Variants in SLC39A12 observed in about 807,000 individuals in gnomAD.
The protein encoded by SLC39A12 is solute carrier family 39 member 12, also known as zinc transporter ZIP12.
Under a neutral mutation model 71.1 loss-of-function variants are expected in SLC39A12, and 63 were observed. That is an observed-to-expected ratio of 0.89 (90% CI 0.72 to 1.09). The LOEUF (loss-of-function observed/expected upper bound fraction) is 1.09, where lower values mean the gene tolerates loss of function less well. Ranked by LOEUF, SLC39A12 falls within the 50% of genes least tolerant of loss-of-function variation. SLC39A12 has a pLI of 0.00. For missense variants in SLC39A12, 892 were observed against 812.6 expected, an observed-to-expected ratio of 1.10 and a Z score of -1.19; for synonymous variants, 351 against 301.3, an observed-to-expected ratio of 1.16 and a Z score of -1.71.
At chr10:17,967,125 T>C (rs1226269621) in intron 4 of SLC39A12, among the ~76,000 whole-genome samples, 1 of 152,118 alleles carries the variant, frequency 6.6e-6, no homozygotes, top group African/African-American at 2.4e-5. Flanking sequence ...CTTTTCTATT[T>C]TGTTGCAAGT....
rs1353425844 is a variant in SLC39A12, at chr10:17,995,659, AG to A, written c.1538del (p.Ser513ThrfsTer12). The A allele has an allele frequency of 6.2e-7, 1 of 1,610,886 alleles. No homozygotes were observed. Among genetic ancestry groups the A allele is most frequent in the African/African-American group, 1.3e-5 (1 of 74,664 alleles). On this transcript the variant is annotated frameshift_variant, in exon 10 of 13. Coordinates refer to ENST00000377369, the MANE Select transcript of SLC39A12 (RefSeq NM_001145195.2). LOFTEE classifies it high-confidence loss of function. The part of the protein sequence containing the change: ...GKSASTIQLK[S>X]PEDSQAAEMP... ...GTTATTTTTTAATTTAAAATAGAAA[AG>A]CCCAGAAGATTCACAGGCAGCTGAA... is the stretch of plus-strand genomic sequence containing the variant.
At chr10:18,001,252 C>T (rs1236254258) in intron 11 of SLC39A12, among the ~76,000 whole-genome samples, 1 of 152,228 alleles carries the variant, frequency 6.6e-6, no homozygotes, top group East Asian at 1.9e-4. Flanking sequence ...CAGTGGCTCA[C>T]ACCTGTAATC....
At chr10:18,037,496 C>T (rs1837086368) in intron 12 of SLC39A12, among the ~76,000 whole-genome samples, 1 of 152,136 alleles carries the variant, frequency 6.6e-6, no homozygotes, top group African/African-American at 2.4e-5. Context: ...TCTGACATCA[C>T]AACAATGTGA....
chr10:18,036,034 A>T (rs1836999803), intron 12 of SLC39A12, among the ~76,000 whole-genome samples: 1 of 152,128 alleles, frequency 6.6e-6, no homozygotes, highest in Admixed American at 6.5e-5. Flanking sequence ...TGCTGGGAGA[A>T]CCACTGCTCT....
chr10:18,016,809 C>A (rs1836397981), intron 12 of SLC39A12, among the ~76,000 whole-genome samples: 1 of 152,200 alleles, frequency 6.6e-6, no homozygotes, highest in African/African-American at 2.4e-5. Flanking sequence ...TGCTAAGCAT[C>A]TTTTATATGA....
intron 2 of SLC39A12, among the ~76,000 whole-genome samples, chr10:17,953,811 C>T (rs4641364): frequency 0.27 from 41,136 of 151,860 alleles, 5,761 homozygotes; most frequent in South Asian, 0.34. Context: ...TTTGTGAGCG[C>T]GAACTTTTAG....
chr10:17,995,811 TATC>T (rs1296522459), intron 10 of SLC39A12, 89 bp downstream of exon 10: 5 of 1,146,948 alleles, frequency 4.4e-6, no homozygotes, highest in Middle Eastern at 2.0e-4. Flanking sequence ...ACTATATAGA[TATC>T]ATATTGGGTA....
chr10:18,042,758 G>C lies in SLC39A12; in HGVS notation c.2001G>C (p.Leu667=), dbSNP rs1837294530. The change falls in exon 13 of 13, where the codon CTG becomes CTC. Residue 667 remains leucine, a synonymous_variant. Transcript: ENST00000377369. ...AACGACCCTGGATGATGTTTCTCCT[G>C]CAAAACTTTGGATTGATCCTAGGTT... ...QTQRPWMMFL[L]QNFGLILGWL... is the part of the protein sequence containing the mutation. 8 of 1,613,118 alleles carry C rather than the reference G, an allele frequency of 5.0e-6. No individual in the cohort carries two copies. The highest frequency in any genetic ancestry group is 6.8e-6 in the Non-Finnish European group (8 of 1,179,642).
intron 12 of SLC39A12, among the ~76,000 whole-genome samples, chr10:18,035,046 G>A (rs1320586659): frequency 6.9e-6 from 1 of 144,928 alleles, no homozygotes; most frequent in African/African-American, 2.6e-5. Flanking sequence ...TCCCTTTGAG[G>A]GTAACCCGAC....
At chr10:17,956,760 G>T (rs1486126085) in intron 2 of SLC39A12, among the ~76,000 whole-genome samples, 1 of 152,266 alleles carries the variant, frequency 6.6e-6, no homozygotes, top group East Asian at 1.9e-4. Flanking sequence ...TTCACACCTG[G>T]CCCTAGCCCC....
intron 12 of SLC39A12, among the ~76,000 whole-genome samples, chr10:18,036,423 C>T (rs192472329): frequency 0.014 from 2,173 of 152,152 alleles, 55 homozygotes; most frequent in African/African-American, 0.05. Flanking sequence ...CAGGTGCGTC[C>T]GTCACCCCTT....
intron 12 of SLC39A12, among the ~76,000 whole-genome samples, chr10:18,014,332 G>A (rs1836318471): frequency 6.6e-6 from 1 of 151,708 alleles, no homozygotes; most frequent in Non-Finnish European, 1.5e-5. Context: ...TTATATATTT[G>A]GATTTTGTTT....
At chr10:17,991,996 G>A (rs1835560915) in intron 8 of SLC39A12, among the ~76,000 whole-genome samples, 1 of 148,134 alleles carries the variant, frequency 6.8e-6, no homozygotes. Context: ...GGCTGAGGCA[G>A]GAGAATTGCT....
chr10:17,983,655 G>A (rs2497835), intron 6 of SLC39A12, among the ~76,000 whole-genome samples: 39,982 of 151,620 alleles, frequency 0.26, 5,984 homozygotes, highest in East Asian at 0.53. Flanking sequence ...GCTGGCGGGT[G>A]CCTATAATCC....
At position 17,987,494 on chromosome 10, in the gene SLC39A12, C is replaced by T. The variant is rs76004511; in HGVS notation, c.1112C>T (p.Thr371Met). 1,106 of 1,613,892 alleles carry T rather than the reference C, an allele frequency of 6.9e-4. 7 individuals are homozygous for T. The African/African-American group carries it at 0.012, about 18-fold the overall frequency. The change falls in exon 7 of 13, where the codon ACG becomes ATG. Residue 371 changes from threonine (T) to methionine (M), a missense_variant. Transcript: ENST00000377369. Reference protein sequence around the residue: ...PTTLEKYGYSTVAVTLLTLGS... With the variant: ...PTTLEKYGYSMVAVTLLTLGS... ...TTTGACTTAGAATACGGCTACAGCA[C>T]GGTGGCTGTCACCCTTCTCACACTG...
At chr10:17,970,808 G>A (rs1301355018) in intron 4 of SLC39A12, among the ~76,000 whole-genome samples, 1 of 151,714 alleles carries the variant, frequency 6.6e-6, no homozygotes, top group Non-Finnish European at 1.5e-5. Flanking sequence ...TCTCTTGTCT[G>A]ATTGCTGTAG....
At chr10:17,992,785 C>A (rs947816481) in intron 8 of SLC39A12, among the ~76,000 whole-genome samples, 1 of 152,032 alleles carries the variant, frequency 6.6e-6, no homozygotes, top group Non-Finnish European at 1.5e-5. Context: ...TATGATATTG[C>A]CTAAAATAAA....
At chr10:18,020,604 C>T (rs1161707996) in intron 12 of SLC39A12, among the ~76,000 whole-genome samples, 2 of 151,994 alleles carry the variant, frequency 1.3e-5, no homozygotes, top group African/African-American at 2.4e-5. Context: ...ATTAGCATTC[C>T]CTTTCTCTGC....
Position 17,957,117 on chromosome 10 carries a change from CA to C in SLC39A12, c.261+3583del, listed in dbSNP as rs1834571040. ...TATAAAATTTCCCATTGTTTAAAAT[CA>C]AATGTTAAACATCTTTCAGTCTAAA... is the stretch of plus-strand genomic sequence containing the variant. On this transcript the variant is annotated intron_variant, in intron 2 of 12. Transcript: ENST00000377369. 2.0e-5 allele frequency among the ~76,000 whole-genome samples: 3 copies of C among 152,152 alleles called. No individual in the cohort carries two copies. The South Asian group carries it at 6.2e-4, about 32-fold the overall frequency.
Sources: allele counts gnomAD v4.1 joint callset (sites outside exome capture counted in the v4.1 genomes callset), GRCh38; gene constraint gnomAD v4.1.1; transcripts MANE v1.5; gene names NCBI Gene and HGNC (gene_info 2026-07-23, HGNC 2026-07-21).